Variants in MSRA observed in about 807,000 individuals in gnomAD.
The protein encoded by MSRA is mitochondrial peptide methionine sulfoxide reductase.
MSRA carries 54 observed loss-of-function variants against 31.3 expected under a neutral mutation model. That is an observed-to-expected ratio of 1.73 (90% CI 1.39 to 2.17). MSRA has a LOEUF of 2.17. Ranked by LOEUF, MSRA falls within the 30% of genes most tolerant of loss-of-function variation. The probability of loss-of-function intolerance (pLI) is 0.00; values close to 1 mark genes in which losing one functional copy is unlikely to be tolerated. For missense variants in MSRA, 507 were observed against 300.9 expected (o/e 1.69, Z -5.07); for synonymous variants, 169 against 116.5 (o/e 1.45, Z -2.90).
chr8:10,135,976 G>A (rs1253828905), intron 1 of MSRA, among the ~76,000 whole-genome samples: 1 of 152,200 alleles, frequency 6.6e-6, no homozygotes, highest in Non-Finnish European at 1.5e-5. Context: ...CACTGTGGTT[G>A]TTTAATAGAA....
intron 3 of MSRA, among the ~76,000 whole-genome samples, chr8:10,283,820 T>TAC (rs1799772165): frequency 1.4e-5 from 1 of 71,098 alleles, no homozygotes. Flanking sequence ...TATATATATA[T>TAC]ATATATATAT....
intron 5 of MSRA, among the ~76,000 whole-genome samples, chr8:10,408,472 C>G (rs184175065): frequency 6.5e-4 from 99 of 152,226 alleles, no homozygotes; most frequent in Non-Finnish European, 1.0e-3. Context: ...AACCCAGAAT[C>G]AAGCCTGCAG....
rs182664451 is a variant in MSRA, at chr8:10,337,985, G to A, written c.543+17996G>A. Among the ~76,000 whole-genome samples, 43 of 152,234 alleles carry A rather than the reference G, an allele frequency of 2.8e-4. 1 individual carries two copies. Among genetic ancestry groups the A allele is most frequent in the African/African-American group, 9.9e-4 (41 of 41,540 alleles). ...GGTGGCCCAGGAAAGCAGGGGTTAGGGGAGTTGATAGAAGATATGAGAAAT... is the reference window on the plus strand; with the variant it reads ...GGTGGCCCAGGAAAGCAGGGGTTAGAGGAGTTGATAGAAGATATGAGAAAT... On this transcript the variant is annotated intron_variant, in intron 5 of 5. Coordinates refer to ENST00000317173, the MANE Select transcript of MSRA (RefSeq NM_012331.5).
chr8:10,196,580 C>T (rs925134337), intron 1 of MSRA, among the ~76,000 whole-genome samples: 13 of 152,074 alleles, frequency 8.5e-5, no homozygotes, highest in African/African-American at 2.2e-4. Flanking sequence ...GACAGATTAT[C>T]GCTCTGTCAC....
At chr8:10,347,229 G>A (rs1269252651) in intron 5 of MSRA, among the ~76,000 whole-genome samples, 4 of 152,156 alleles carry the variant, frequency 2.6e-5, no homozygotes, top group African/African-American at 7.2e-5. Flanking sequence ...TCAGCTTATA[G>A]TAAATACCGA....
chr8:10,164,932 G>A lies in MSRA; in HGVS notation c.143-42901G>A, dbSNP rs7844877. Among the ~76,000 whole-genome samples the A allele has an allele frequency of 3.1e-3, 470 of 152,274 alleles. 4 individuals are homozygous for A. The highest frequency in any genetic ancestry group is 0.011 in the African/African-American group (443 of 41,546). ...ATTCCCAGCTACTCAGGAGGCTGAGGCAGGAGAATCACTTGAACCTGGGAG... is the reference window on the plus strand; with the variant it reads ...ATTCCCAGCTACTCAGGAGGCTGAGACAGGAGAATCACTTGAACCTGGGAG... On this transcript the variant is annotated intron_variant, in intron 1 of 5. Coordinates refer to ENST00000317173, the MANE Select transcript of MSRA (RefSeq NM_012331.5).
At chr8:10,386,303 A>G (rs1806388989) in intron 5 of MSRA, among the ~76,000 whole-genome samples, 3 of 152,168 alleles carry the variant, frequency 2.0e-5, no homozygotes, top group Non-Finnish European at 4.4e-5. Flanking sequence ...GCTGTCCCAT[A>G]TTAGTTTCAC....
chr8:10,284,097 T>C (rs1490746906), intron 3 of MSRA, among the ~76,000 whole-genome samples: 1 of 152,072 alleles, frequency 6.6e-6, no homozygotes, highest in Non-Finnish European at 1.5e-5. Context: ...ATAGTGGTTG[T>C]ACTAGTTTAC....
At chr8:10,101,826 G>A (rs113902766) in intron 1 of MSRA, among the ~76,000 whole-genome samples, 2 of 152,280 alleles carry the variant, frequency 1.3e-5, no homozygotes, top group African/African-American at 4.8e-5. Context: ...TTTGGCTGTT[G>A]TGAATAATGG....
intron 1 of MSRA, among the ~76,000 whole-genome samples, chr8:10,060,286 T>C (rs1802635904): frequency 6.6e-6 from 1 of 152,144 alleles, no homozygotes; most frequent in African/African-American, 2.4e-5. Context: ...TAAAAAAGAA[T>C]GTGGAACATC....
intron 5 of MSRA, among the ~76,000 whole-genome samples, chr8:10,405,797 A>C (rs1396987068): frequency 6.6e-6 from 1 of 151,726 alleles, no homozygotes; most frequent in East Asian, 1.9e-4. Context: ...GTAATCACAT[A>C]CACACATGCT....
At chr8:10,401,607 C>T (rs1209861665) in intron 5 of MSRA, among the ~76,000 whole-genome samples, 1 of 152,122 alleles carries the variant, frequency 6.6e-6, no homozygotes, top group Non-Finnish European at 1.5e-5. Flanking sequence ...ACCTGTACAC[C>T]TGTGTTCTTA....
chr8:10,188,054 TA>T (rs564490357), intron 1 of MSRA, among the ~76,000 whole-genome samples: 6 of 152,016 alleles, frequency 3.9e-5, no homozygotes, highest in African/African-American at 1.2e-4. Flanking sequence ...CTCACAAGAT[TA>T]AAAAAAATAC....
chr8:10,138,371 G>A (rs1280211005), intron 1 of MSRA, among the ~76,000 whole-genome samples: 1 of 152,190 alleles, frequency 6.6e-6, no homozygotes, highest in Non-Finnish European at 1.5e-5. Context: ...GAAGGGAGAA[G>A]GAGAAGAAAG....
At chr8:10,159,392 A>G (rs1804446385) in intron 1 of MSRA, among the ~76,000 whole-genome samples, 1 of 152,150 alleles carries the variant, frequency 6.6e-6, no homozygotes, top group African/African-American at 2.4e-5. Flanking sequence ...ACATTTGGGA[A>G]TTGTTAATAT....
At chr8:10,145,833 T>C (rs1263128981) in intron 1 of MSRA, among the ~76,000 whole-genome samples, 1 of 152,102 alleles carries the variant, frequency 6.6e-6, no homozygotes, top group Non-Finnish European at 1.5e-5. Flanking sequence ...TGCACGTGTG[T>C]GTGTGTGTGT....
chr8:10,234,225 A>G (rs912043769), intron 2 of MSRA, among the ~76,000 whole-genome samples: 1 of 152,220 alleles, frequency 6.6e-6, no homozygotes, highest in Non-Finnish European at 1.5e-5. Flanking sequence ...TAGTTAAACA[A>G]TGATTAAAAT....
intron 1 of MSRA, chr8:10,096,027 C>T (rs749827970): frequency 1.3e-5 from 19 of 1,456,122 alleles, no homozygotes; most frequent in East Asian, 5.1e-5. Flanking sequence ...AGACATCCTT[C>T]GGAATGTGTT....
chr8:10,338,817 C>A (rs963167932), intron 5 of MSRA, among the ~76,000 whole-genome samples: 11 of 152,254 alleles, frequency 7.2e-5, no homozygotes, highest in Admixed American at 6.5e-5. Context: ...TCCTAACCTG[C>A]AAAACTGAGC....
Sources: gnomAD v4.1 joint callset for allele counts (sites outside exome capture counted in the v4.1 genomes callset) on GRCh38, gnomAD v4.1.1 for gene constraint, MANE v1.5 for transcripts, NCBI Gene and HGNC (gene_info 2026-07-23, HGNC 2026-07-21) for gene names.